UNC13C: variants seen among roughly 807,000 people sequenced by gnomAD.
The protein encoded by UNC13C is protein unc-13 homolog C.
UNC13C carries 174 observed loss-of-function variants against 245.4 expected under a neutral mutation model. That is an observed-to-expected ratio of 0.71 (90% confidence interval 0.63 to 0.80). The LOEUF is 0.80. Ranked by LOEUF, UNC13C falls within the 30% of genes least tolerant of loss-of-function variation. UNC13C has a pLI of 0.00. For synonymous variants in UNC13C, 992 were observed against 895.1 expected (o/e 1.11, Z -1.93); for missense variants, 2,829 against 2,602.9 (o/e 1.09, Z -1.89).
the UNC13C span, among the ~76,000 whole-genome samples, chr15:53,909,364 G>C: frequency 6.8e-6 from 1 of 146,748 alleles, no homozygotes; most frequent in Middle Eastern, 3.5e-3. Flanking sequence ...TCAAAATGTA[G>C]TGTAACCCCT....
chr15:53,945,594 T>C, the UNC13C span, among the ~76,000 whole-genome samples: 3 of 152,322 alleles, frequency 2.0e-5, no homozygotes, highest in East Asian at 1.9e-4. Flanking sequence ...TTCTGTTCAG[T>C]TGGTCTTTGT....
intron 19 of UNC13C, among the ~76,000 whole-genome samples, chr15:54,422,522 C>A (rs770661774): frequency 4.6e-5 from 7 of 151,944 alleles, no homozygotes; most frequent in Non-Finnish European, 8.8e-5. Context: ...GTAGTCTGGG[C>A]TCTACCCATC....
chr15:54,150,072 T>C (rs368789111), intron 4 of UNC13C, among the ~76,000 whole-genome samples: 3 of 152,214 alleles, frequency 2.0e-5, no homozygotes, highest in African/African-American at 7.2e-5. Context: ...TGGCTTTGAA[T>C]ATATTTCTTG....
chr15:54,211,007 G>A (rs1293985459), intron 4 of UNC13C, among the ~76,000 whole-genome samples: 1 of 152,082 alleles, frequency 6.6e-6, no homozygotes, highest in Non-Finnish European at 1.5e-5. Context: ...GCCTCTACTA[G>A]CAAGACGTAA....
chr15:54,333,077 A>G (rs1367031489), intron 15 of UNC13C, among the ~76,000 whole-genome samples: 1 of 152,040 alleles, frequency 6.6e-6, no homozygotes, highest in Non-Finnish European at 1.5e-5. Context: ...GTTCAAGTTC[A>G]TGAATATCTC....
chr15:54,529,373 T>C (rs978133264), intron 25 of UNC13C, among the ~76,000 whole-genome samples: 2 of 152,198 alleles, frequency 1.3e-5, no homozygotes, highest in African/African-American at 2.4e-5. Flanking sequence ...TGGAAATATG[T>C]ATATGGAAAA....
chr15:53,952,317 A>G, the UNC13C span, among the ~76,000 whole-genome samples: 1 of 152,326 alleles, frequency 6.6e-6, no homozygotes, highest in South Asian at 2.1e-4. Flanking sequence ...TCTATTGGAC[A>G]GAAAAGGAAA....
intron 2 of UNC13C, among the ~76,000 whole-genome samples, chr15:54,028,739 G>GGA (rs1452830205): frequency 7.5e-6 from 1 of 133,978 alleles, no homozygotes; most frequent in Non-Finnish European, 1.5e-5. Flanking sequence ...CATCCAGGCT[G>GGA]GAGTGCAGTG....
At chr15:53,996,825 C>T (rs1894655644) in intron 1 of UNC13C, among the ~76,000 whole-genome samples, 1 of 121,286 alleles carries the variant, frequency 8.2e-6, no homozygotes, top group African/African-American at 2.8e-5. Flanking sequence ...ATTCATTCTC[C>T]TGATGGGTTT....
chr15:54,161,135 G>T (rs1297940302), intron 4 of UNC13C, among the ~76,000 whole-genome samples: 1 of 152,044 alleles, frequency 6.6e-6, no homozygotes, highest in Admixed American at 6.6e-5. Context: ...ATCTTGCTCT[G>T]TCATGCAGGC....
intron 14 of UNC13C, among the ~76,000 whole-genome samples, chr15:54,327,998 A>T (rs1267457974): frequency 6.6e-6 from 1 of 152,126 alleles, no homozygotes; most frequent in African/African-American, 2.4e-5. Context: ...ATGCTTTAAG[A>T]AAAGGGAGGT....
intron 18 of UNC13C, among the ~76,000 whole-genome samples, chr15:54,407,641 A>G (rs2040324405): frequency 6.6e-6 from 1 of 152,146 alleles, no homozygotes; most frequent in African/African-American, 2.4e-5. Flanking sequence ...CCAGTGTATC[A>G]TAATGTTTTA....
At chr15:54,186,927 C>A (rs766390850) in intron 4 of UNC13C, among the ~76,000 whole-genome samples, 27 of 151,136 alleles carry the variant, frequency 1.8e-4, no homozygotes, top group Admixed American at 1.5e-3. Flanking sequence ...TGGCTCACTG[C>A]AACCTCTACC....
chr15:53,945,987 G>A, the UNC13C span, among the ~76,000 whole-genome samples: 1 of 151,942 alleles, frequency 6.6e-6, no homozygotes, highest in Non-Finnish European at 1.5e-5. Context: ...ATGTTCCTAT[G>A]TTTTTTATTC....
chr15:54,047,846 A>T (rs1445956688), intron 2 of UNC13C, among the ~76,000 whole-genome samples: 2 of 152,170 alleles, frequency 1.3e-5, no homozygotes, highest in African/African-American at 4.8e-5. Flanking sequence ...TAAATAGTTC[A>T]ATGTTTTATT....
At chr15:53,978,215 A>G (rs893885239), upstream of UNC13C, among the ~76,000 whole-genome samples, 12 of 152,244 alleles carry the variant, frequency 7.9e-5, no homozygotes, top group African/African-American at 1.2e-4. Flanking sequence ...AGATAGGCTG[A>G]GGAAGCTCTG....
At chr15:54,454,631 T>C (rs1429889858) in intron 19 of UNC13C, among the ~76,000 whole-genome samples, 1 of 151,910 alleles carries the variant, frequency 6.6e-6, no homozygotes, top group African/African-American at 2.4e-5. Flanking sequence ...TATCTTCTAT[T>C]CTACTTTCTT....
chr15:54,239,983 T>G (rs1453601440), intron 7 of UNC13C, among the ~76,000 whole-genome samples: 2 of 152,240 alleles, frequency 1.3e-5, no homozygotes, highest in Admixed American at 1.3e-4. Context: ...ATTTGAACTA[T>G]GAATACCAAT....
intron 30 of UNC13C, among the ~76,000 whole-genome samples, chr15:54,586,155 T>G (rs1352933441): frequency 1.3e-5 from 2 of 152,300 alleles, no homozygotes; most frequent in East Asian, 1.9e-4. Flanking sequence ...TTTTAAAAAT[T>G]TTTGTATATG....
Sources: gnomAD v4.1 joint callset for allele counts (sites outside exome capture counted in the v4.1 genomes callset) on GRCh38, gnomAD v4.1.1 for gene constraint, MANE v1.5 for transcripts, NCBI Gene and HGNC (gene_info 2026-07-23, HGNC 2026-07-21) for gene names.